PRKG1: variants seen among roughly 807,000 people sequenced by gnomAD.
The protein encoded by PRKG1 is protein kinase cGMP-dependent 1.
In PRKG1, 35 loss-of-function variants were observed where a neutral mutation model predicts 88.1. The ratio of observed to expected loss-of-function variants is 0.40; its 90% CI spans 0.30 to 0.53. The LOEUF (loss-of-function observed/expected upper bound fraction) is 0.53, where lower values mean the gene tolerates loss of function less well. Ranked by LOEUF, PRKG1 falls within the 20% of genes least tolerant of loss-of-function variation. PRKG1 has a pLI of 0.59. For missense variants in PRKG1, 540 were observed against 839.8 expected (o/e 0.64, Z 4.41); for synonymous variants, 303 against 292.5 (o/e 1.04, Z -0.37).
At chr10:51,930,651 C>A (rs1842675241) in intron 5 of PRKG1, among the ~76,000 whole-genome samples, 1 of 151,644 alleles carries the variant, frequency 6.6e-6, no homozygotes, top group Non-Finnish European at 1.5e-5. Flanking sequence ...CCATCATGCC[C>A]AGCTAGTTTT....
At chr10:51,750,564 G>A (rs77672573) in intron 3 of PRKG1, among the ~76,000 whole-genome samples, 2,393 of 152,208 alleles carry the variant, frequency 0.016, 52 homozygotes, top group African/African-American at 0.053. Flanking sequence ...TTGCTATTAG[G>A]CGTTTACTGT....
At chr10:51,822,032 CA>C (rs1380247210) in intron 4 of PRKG1, among the ~76,000 whole-genome samples, 1 of 151,884 alleles carries the variant, frequency 6.6e-6, no homozygotes, top group African/African-American at 2.4e-5. Context: ...TCACAATAGA[CA>C]GGGCATGGAA....
At chr10:51,170,437 T>TACAC (rs56159895) in intron 2 of PRKG1, among the ~76,000 whole-genome samples, 2,056 of 144,648 alleles carry the variant, frequency 0.014, 19 homozygotes, top group Non-Finnish European at 0.02. Flanking sequence ...TGTCTGGGTA[T>TACAC]ACACACACAC....
chr10:51,578,439 G>A (rs910517015), intron 3 of PRKG1, among the ~76,000 whole-genome samples: 3 of 151,994 alleles, frequency 2.0e-5, no homozygotes, highest in African/African-American at 7.2e-5. Flanking sequence ...TCTTTTGACA[G>A]TCCAAAATTT....
intron 9 of PRKG1, among the ~76,000 whole-genome samples, chr10:52,241,955 G>A (rs1840872937): frequency 6.6e-6 from 1 of 152,174 alleles, no homozygotes; most frequent in African/African-American, 2.4e-5. Context: ...TAAATTTGAA[G>A]GCAAAACGTG....
Position 51,050,013 on chromosome 10 carries a change from G to T in PRKG1, c.266+58369G>T, listed in dbSNP as rs141770010. Among the ~76,000 whole-genome samples, 57 of 152,044 alleles carry T rather than the reference G, an allele frequency of 3.7e-4. No individual in the cohort carries two copies. In the East Asian group the frequency reaches 0.011, roughly 29 times the overall value. On this transcript the variant is annotated intron_variant, in intron 1 of 17. Transcript: ENST00000401604. ...GTTTCCTTGCTTGTCATTAAATTCAGGTCAATGGAAATTGTCTGCCAATTG... is the reference window on the plus strand; with the variant it reads ...GTTTCCTTGCTTGTCATTAAATTCATGTCAATGGAAATTGTCTGCCAATTG...
chr10:51,030,619 G>A (rs891526064), intron 1 of PRKG1, among the ~76,000 whole-genome samples: 27 of 152,116 alleles, frequency 1.8e-4, no homozygotes, highest in African/African-American at 6.5e-4. Flanking sequence ...TTGGAGGTGG[G>A]GCTTAGTGGG....
intron 12 of PRKG1, among the ~76,000 whole-genome samples, 156 bp downstream of exon 12, chr10:52,272,637 T>A (rs1382577812): frequency 2.0e-5 from 3 of 152,096 alleles, no homozygotes; most frequent in Non-Finnish European, 4.4e-5. Flanking sequence ...TAACCCACTA[T>A]ACACATATGA....
intron 7 of PRKG1, among the ~76,000 whole-genome samples, chr10:52,063,435 C>T (rs1196798585): frequency 2.6e-5 from 4 of 152,360 alleles, no homozygotes; most frequent in East Asian, 1.9e-4. Flanking sequence ...AGCCCTGGCT[C>T]GGGGAGCTCC....
chr10:51,424,085 ACT>A (rs1251854491), intron 2 of PRKG1, among the ~76,000 whole-genome samples: 2 of 152,036 alleles, frequency 1.3e-5, no homozygotes. Flanking sequence ...GATATTTGAG[ACT>A]CTGGCATTTT....
intron 3 of PRKG1, among the ~76,000 whole-genome samples, chr10:51,802,405 T>G (rs1014250150): frequency 1.3e-5 from 2 of 152,280 alleles, no homozygotes; most frequent in East Asian, 3.9e-4. Context: ...AACCAAAAAG[T>G]AAAATGAAAT....
In PRKG1 at chr10:51,490,594, C is replaced by T. The variant is rs376266014; in HGVS notation, c.592+22758C>T. Among the ~76,000 whole-genome samples, 13 of 152,180 alleles carry T rather than the reference C, an allele frequency of 8.5e-5. No homozygotes were observed. In the South Asian group the frequency reaches 1.7e-3, roughly 19 times the overall value. On this transcript the variant is annotated intron_variant, in intron 3 of 17. Transcript: ENST00000373980. Reference sequence around the variant, plus strand: ...ATTTGAGATTATAGAGGTTAACTAGCCTGTCACTCCTAATAAGGAGCTGAG... The same window carrying T: ...ATTTGAGATTATAGAGGTTAACTAGTCTGTCACTCCTAATAAGGAGCTGAG...
intron 3 of PRKG1, among the ~76,000 whole-genome samples, chr10:51,513,980 A>G (rs1429670548): frequency 2.1e-5 from 3 of 142,808 alleles, no homozygotes; most frequent in Admixed American, 7.2e-5. Flanking sequence ...AGCAGAAGGC[A>G]AGAAAGAACC....
At chr10:51,285,757 G>C (rs948749151) in intron 2 of PRKG1, among the ~76,000 whole-genome samples, 1 of 152,188 alleles carries the variant, frequency 6.6e-6, no homozygotes, top group Non-Finnish European at 1.5e-5. Context: ...AATAGTGGGA[G>C]ATGAAAGGGC....
intron 1 of PRKG1, among the ~76,000 whole-genome samples, chr10:51,014,093 T>C (rs547203433): frequency 6.6e-6 from 1 of 152,312 alleles, no homozygotes; most frequent in African/African-American, 2.4e-5. Context: ...TGAAAAATGT[T>C]TATTTATTTT....
At chr10:51,876,080 C>A (rs550469593) in intron 4 of PRKG1, among the ~76,000 whole-genome samples, 2 of 152,058 alleles carry the variant, frequency 1.3e-5, no homozygotes, top group Non-Finnish European at 2.9e-5. Flanking sequence ...AAGGAACTAC[C>A]TTTTCCCTTT....
chr10:50,996,274 C>CT (rs1842836477), intron 1 of PRKG1, among the ~76,000 whole-genome samples: 2 of 152,288 alleles, frequency 1.3e-5, no homozygotes, highest in African/African-American at 4.8e-5. Context: ...AGTCACCTGT[C>CT]TAAGGTGTCA....
intron 2 of PRKG1, among the ~76,000 whole-genome samples, chr10:51,304,165 C>T (rs1247744521): frequency 6.6e-6 from 1 of 151,892 alleles, no homozygotes; most frequent in Non-Finnish European, 1.5e-5. Context: ...TTCAGTGGTC[C>T]AAATCAGAAT....
chr10:51,626,863 C>T (rs576364789), intron 3 of PRKG1, among the ~76,000 whole-genome samples: 2 of 152,164 alleles, frequency 1.3e-5, no homozygotes, highest in African/African-American at 4.8e-5. Context: ...ATTTTAATCC[C>T]ATAAGGCTAG....
Sources: allele counts gnomAD v4.1 joint callset (sites outside exome capture counted in the v4.1 genomes callset), GRCh38; gene constraint gnomAD v4.1.1; transcripts MANE v1.5; gene names NCBI Gene and HGNC (gene_info 2026-07-23, HGNC 2026-07-21).